The following SULT1A2 variants were observed in gnomAD, a reference collection of about 807,000 sequenced individuals.
The protein encoded by SULT1A2 is sulfotransferase family 1A member 2.
In SULT1A2, 33 loss-of-function variants were observed where a neutral mutation model predicts 36.0. The observed-to-expected ratio is 0.92, with a 90% CI of 0.69 to 1.22. The LOEUF (loss-of-function observed/expected upper bound fraction) is 1.22. SULT1A2 is among the 50% of genes most tolerant of loss of function. SULT1A2 has a pLI of 0.00. For missense variants in SULT1A2, 367 were observed against 383.2 expected, an observed-to-expected ratio of 0.96 and a Z score of 0.35; for synonymous variants, 138 against 144.5, an observed-to-expected ratio of 0.96 and a Z score of 0.32.
At chr16:28,593,400 C>G in intron 5 of SULT1A2, 42 bp downstream of exon 5, 1 of 1,614,134 alleles carries the variant, frequency 6.2e-7, no homozygotes, top group Non-Finnish European at 8.5e-7. Flanking sequence ...TTGTAGCCAC[C>G]ACCCCTTAGC....
chr16:28,596,869 CG>C (rs1225257195), intron 1 of SULT1A2, 127 bp downstream of exon 1: 5 of 604,852 alleles, frequency 8.3e-6, no homozygotes, highest in African/African-American at 8.3e-5. Flanking sequence ...TCAGGCCGGC[CG>C]GGGTTGTCTG....
Position 28,595,645 on chromosome 16 carries a change from A to T in SULT1A2, c.179T>A (p.Met60Lys). The change falls in exon 3 of 8, where the codon ATG becomes AAG. Residue 60 changes from methionine (M) to lysine (K), a missense_variant. By Grantham distance (95) the Met-to-Lys change is moderately conservative. Transcript: ENST00000335715. ...GTTWVSQILDMIYQGGDLEKC... is the reference protein window; with the variant it reads ...GTTWVSQILDKIYQGGDLEKC... ...TTCCAGGTCACCGCCCTGGTAGATC[A>T]TGTCCAGAATCTGGCTCACCCAGGT... The T allele has an allele frequency of 6.2e-7, 1 of 1,614,140 alleles. No individual in the cohort carries two copies. The highest frequency in any genetic ancestry group is 8.5e-7 in the Non-Finnish European group (1 of 1,179,968).
rs575362670 is a variant in SULT1A2, at chr16:28,591,968, G to T, written c.*60C>A. The T allele has an allele frequency of 3.2e-4, 521 of 1,611,168 alleles. 1 individual carries two copies. Among genetic ancestry groups the T allele is most frequent in the Middle Eastern group, 4.5e-4 (2 of 4,434 alleles). On this transcript the variant is annotated 3_prime_UTR_variant, in exon 8 of 8. Transcript: ENST00000335715. ...TTGAACACAAATCATACTTTATTCTGGAGCCTCTTGGTCAGGCTTGATTCG... is the reference window on the plus strand; with the variant it reads ...TTGAACACAAATCATACTTTATTCTTGAGCCTCTTGGTCAGGCTTGATTCG...
At chr16:28,593,615 G>A (rs2047024594) in intron 4 of SULT1A2, 47 bp from the exon 5 acceptor site, 2 of 1,609,960 alleles carry the variant, frequency 1.2e-6, no homozygotes, top group Admixed American at 1.7e-5. Flanking sequence ...CACACAGCCT[G>A]CCCCAGGCCA....
At chr16:28,593,647 A>G (rs2047025410) in intron 4 of SULT1A2, 79 bp from the exon 5 acceptor site, 2 of 1,596,038 alleles carry the variant, frequency 1.3e-6, no homozygotes, top group Admixed American at 3.4e-5. Flanking sequence ...GGTTTGGCAA[A>G]GGAGGAAGCT....
chr16:28,595,542 A>ACACT lies in SULT1A2; in HGVS notation c.274+7_274+8insAGTG, dbSNP rs1567296976. ...CCTCCACTCCCCTTGCACCCAGGAC[A>ACACT]CACACACCTGAGGGAATCCCTGGGA... On this transcript the variant is annotated splice_region_variant and intron_variant, in intron 3 of 7. Transcript: ENST00000335715. The ACACT allele has an allele frequency of 7.4e-6, 12 of 1,614,140 alleles. No individual in the cohort carries two copies. Among genetic ancestry groups the ACACT allele is most frequent in the South Asian group, 1.1e-5 (1 of 91,078 alleles).
At chr16:28,592,180 C>G (rs1209003081) in intron 7 of SULT1A2, 40 bp from the exon 8 acceptor site, 3 of 1,612,978 alleles carry the variant, frequency 1.9e-6, no homozygotes, top group African/African-American at 1.3e-5. Context: ...GAGTCTCATC[C>G]CAGGGGAGGC....
Position 28,597,012 on chromosome 16 carries a change from C to T in SULT1A2, c.-20G>A. 2 of 1,280,856 alleles carry T rather than the reference C, an allele frequency of 1.6e-6. No homozygotes were observed. The highest frequency in any genetic ancestry group is 2.0e-6 in the Non-Finnish European group (2 of 981,950). The allele number at this position is 1,280,856 out of a possible 1,614,324, so 79.3% of individuals were successfully genotyped here. ...TGTCACTCACCTGAGCTCTTGGGAA[C>T]CTGGCCTTGTGCCCTCCTCGCCCGC... On this transcript the variant is annotated 5_prime_UTR_variant, in exon 1 of 8. Coordinates refer to ENST00000335715, the MANE Select transcript of SULT1A2 (RefSeq NM_001054.4).
At chr16:28,594,941 C>T (rs746217725) in intron 4 of SULT1A2, among the ~76,000 whole-genome samples, 5 of 151,246 alleles carry the variant, frequency 3.3e-5, no homozygotes, top group East Asian at 1.9e-4. Flanking sequence ...CCACCATGCC[C>T]GGCTAATTTT....
chr16:28,592,277 G>A lies in SULT1A2; in HGVS notation c.761C>T (p.Pro254Leu). The change falls in exon 7 of 8, where the codon CCC (proline) becomes CTC (leucine). Residue 254 changes from proline to leucine, a missense_variant. Coordinates refer to ENST00000335715, the MANE Select transcript of SULT1A2 (RefSeq NM_001054.4). ...RREFMDHSISPFMRKGMAGDW... is the reference protein window; with the variant it reads ...RREFMDHSISLFMRKGMAGDW... ...CCGGCACCTACCTTTCCTCATGAAGGGGGAGATGCTGTGGTCCATGAACTC... is the reference window on the plus strand; with the variant it reads ...CCGGCACCTACCTTTCCTCATGAAGAGGGAGATGCTGTGGTCCATGAACTC... 2 of 1,613,978 alleles carry A rather than the reference G, an allele frequency of 1.2e-6. No individual in the cohort carries two copies. Among genetic ancestry groups the A allele is most frequent in the Non-Finnish European group, 1.7e-6 (2 of 1,179,858 alleles).
intron 4 of SULT1A2, among the ~76,000 whole-genome samples, chr16:28,593,920 T>C (rs572120170): frequency 3.3e-5 from 5 of 152,154 alleles, no homozygotes; most frequent in African/African-American, 1.2e-4. Flanking sequence ...TCTCATGTTT[T>C]TGGTCATCAG....
rs1190594438 is a variant in SULT1A2, at chr16:28,596,416, T to G, written c.-4-482A>C. The G allele has an allele frequency of 1.2e-5, 12 of 988,052 alleles. No individual in the cohort carries two copies. In the East Asian group the frequency reaches 4.8e-4, roughly 39 times the overall value. 61.2% of individuals were successfully genotyped at this position (988,052 alleles called of 1,614,324 possible). On this transcript the variant is annotated intron_variant, in intron 1 of 7. Transcript: ENST00000335715. ...CCCTCGGCCCCTCACATGTGGCAAC[T>G]CCTAGGCTGGCCAGGCCTGTGATCC...
chr16:28,592,303 C>A lies in SULT1A2; in HGVS notation c.735G>T (p.Arg245=), dbSNP rs1222578278. 1 of 1,613,834 alleles carries A rather than the reference C, an allele frequency of 6.2e-7. No homozygotes were observed. The highest frequency in any genetic ancestry group is 8.5e-7 in the Non-Finnish European group (1 of 1,179,864). Residue 245 remains arginine, a synonymous_variant, in exon 7 of 8, where the codon CGG becomes CGT. Transcript: ENST00000335715. Reference sequence around the variant, plus strand: ...GGGAGATGCTGTGGTCCATGAACTCCCGGCGGACGGTGGTGTAGTTGGTCA... The same window carrying A: ...GGGAGATGCTGTGGTCCATGAACTCACGGCGGACGGTGGTGTAGTTGGTCA... ...NPMTNYTTVR[R]EFMDHSISPF...
intron 4 of SULT1A2, 99 bp from the exon 5 acceptor site, chr16:28,593,667 A>C: frequency 6.4e-7 from 1 of 1,571,004 alleles, no homozygotes; most frequent in Non-Finnish European, 8.6e-7. Flanking sequence ...TGAGGCTTAG[A>C]GGCTGACTTG....
In SULT1A2 at chr16:28,595,545, C is replaced by T. The variant is rs777140213; in HGVS notation, c.274+5G>A. The T allele has an allele frequency of 6.2e-6, 10 of 1,614,082 alleles. No individual in the cohort carries two copies. Among genetic ancestry groups the T allele is most frequent in the Non-Finnish European group, 8.5e-6 (10 of 1,180,054 alleles). On this transcript the variant is annotated splice_donor_5th_base_variant and intron_variant, in intron 3 of 7. Coordinates refer to ENST00000335715, the MANE Select transcript of SULT1A2 (RefSeq NM_001054.4). ...CCACTCCCCTTGCACCCAGGACACA[C>T]ACACCTGAGGGAATCCCTGGGACTT...
Position 28,595,902 on chromosome 16 carries a change from G to C in SULT1A2, c.29C>G (p.Pro10Arg). Residue 10 changes from proline (P) to arginine (R), a missense_variant, in exon 2 of 8, where the codon CCG becomes CGG. By Grantham distance (103) the Pro-to-Arg change is moderately radical. Transcript: ENST00000335715. Reference protein sequence around the residue: MELIQDISRPPLEYVKGVPL... With the variant: MELIQDISRRPLEYVKGVPL... The stretch of plus-strand genomic sequence containing the variant: ...GACCCCCTTCACGTACTCCAGTGGC[G>C]GGCGAGAGATGTCCTGGATCAGCTC... 1.3e-6 allele frequency: 2 copies of C among 1,596,618 alleles called. No homozygotes were observed. The highest frequency in any genetic ancestry group is 8.6e-7 in the Non-Finnish European group (1 of 1,168,764).
chr16:28,594,091 G>GTT (rs1191789255), intron 4 of SULT1A2, among the ~76,000 whole-genome samples: 1 of 131,278 alleles, frequency 7.6e-6, no homozygotes, highest in African/African-American at 2.8e-5. Flanking sequence ...TTTTTGTTGT[G>GTT]GTTTTTTTTT....
chr16:28,592,140 C>G lies in SULT1A2; in HGVS notation c.776G>C (p.Gly259Ala). 6.2e-7 allele frequency: 1 copy of G among 1,612,180 alleles called. No homozygotes were observed. Among genetic ancestry groups the G allele is most frequent in the Non-Finnish European group, 8.5e-7 (1 of 1,179,824 alleles). ...DHSISPFMRKGMAGDWKTTFT... is the reference protein window; with the variant it reads ...DHSISPFMRKAMAGDWKTTFT... ...GGTGGTCTTCCAGTCCCCAGCCATGCCTGGGGGAGGAAGGCAGGGAGCAAA... is the reference window on the plus strand; with the variant it reads ...GGTGGTCTTCCAGTCCCCAGCCATGGCTGGGGGAGGAAGGCAGGGAGCAAA... The change falls in exon 8 of 8, where the codon GGC becomes GCC. Residue 259 changes from glycine (G) to alanine (A), a missense_variant and splice_region_variant. Coordinates refer to ENST00000335715, the MANE Select transcript of SULT1A2 (RefSeq NM_001054.4).
intron 4 of SULT1A2, among the ~76,000 whole-genome samples, chr16:28,594,816 T>C (rs2047040187): frequency 7.1e-6 from 1 of 141,644 alleles, no homozygotes; most frequent in East Asian, 2.1e-4. Context: ...GTTTTGCTCT[T>C]GTTTCCCAGG....
Sources: gnomAD v4.1 joint callset for allele counts (sites outside exome capture counted in the v4.1 genomes callset) on GRCh38, gnomAD v4.1.1 for gene constraint, MANE v1.5 for transcripts, NCBI Gene and HGNC (gene_info 2026-07-23, HGNC 2026-07-21) for gene names.